HSPA12A: variants seen among roughly 807,000 people sequenced by gnomAD.
The protein encoded by HSPA12A is heat shock 70 kDa protein 12A.
Under a neutral mutation model 69.2 loss-of-function variants are expected in HSPA12A, and 28 were observed. That is an observed-to-expected ratio of 0.40 (90% CI 0.30 to 0.55). The LOEUF (loss-of-function observed/expected upper bound fraction) is 0.55, where lower values mean the gene tolerates loss of function less well. HSPA12A is among the 20% of genes least tolerant of loss of function. HSPA12A has a pLI of 0.38. For missense variants in HSPA12A, 686 were observed against 900.7 expected, an observed-to-expected ratio of 0.76 and a Z score of 3.05; for synonymous variants, 345 against 370.5, an observed-to-expected ratio of 0.93 and a Z score of 0.79.
chr10:116,831,571 A>G (rs1373211819), intron 2 of HSPA12A: 2 of 152,196 alleles, frequency 1.3e-5, no homozygotes, highest in African/African-American at 4.8e-5. Flanking sequence ...TCCTTTGAGA[A>G]GGGTTAGGTA....
At chr10:116,742,105 C>T (rs1471045419) in intron 1 of HSPA12A, among the ~76,000 whole-genome samples, 1 of 152,066 alleles carries the variant, frequency 6.6e-6, no homozygotes, top group African/African-American at 2.4e-5. Flanking sequence ...GGGCGGTCCT[C>T]ACCCGCACGC....
intron 1 of HSPA12A, among the ~76,000 whole-genome samples, chr10:116,841,883 A>C (rs1290645387): frequency 6.6e-6 from 1 of 152,154 alleles, no homozygotes; most frequent in Non-Finnish European, 1.5e-5. Flanking sequence ...GAAAAAGAGA[A>C]AACAACACCA....
At chr10:116,779,496 G>C (rs1844415724) in intron 2 of HSPA12A, among the ~76,000 whole-genome samples, 1 of 152,148 alleles carries the variant, frequency 6.6e-6, no homozygotes, top group African/African-American at 2.4e-5. Flanking sequence ...GACTCTGCCT[G>C]ATGAGACATG....
At chr10:116,809,625 C>T (rs1379452972) in intron 2 of HSPA12A, among the ~76,000 whole-genome samples, 8 of 152,246 alleles carry the variant, frequency 5.3e-5, no homozygotes, top group African/African-American at 1.7e-4. Flanking sequence ...TCAGCGACGC[C>T]GGGGACTGTC....
intron 3 of HSPA12A, 50 bp downstream of exon 3, chr10:116,705,101 G>A (rs1850200412): frequency 6.2e-7 from 1 of 1,607,918 alleles, no homozygotes; most frequent in South Asian, 1.1e-5. Context: ...AGTCTCCACA[G>A]GTGCAGTGGT....
intron 6 of HSPA12A, among the ~76,000 whole-genome samples, chr10:116,687,833 C>T (rs1230494207): frequency 6.6e-6 from 1 of 152,246 alleles, no homozygotes; most frequent in Admixed American, 6.5e-5. Context: ...CCTCCCTCCA[C>T]TGGGGCCCCT....
chr10:116,745,833 T>C (rs550004312), upstream of HSPA12A, among the ~76,000 whole-genome samples: 13 of 152,282 alleles, frequency 8.5e-5, no homozygotes, highest in East Asian at 7.7e-4. Context: ...TTAGCACTTA[T>C]CACAACAACT....
chr10:116,825,696 A>G (rs568464311), intron 2 of HSPA12A, among the ~76,000 whole-genome samples: 2 of 152,130 alleles, frequency 1.3e-5, no homozygotes, highest in African/African-American at 4.8e-5. Context: ...CAGGGCTGGG[A>G]TTGGTGGGGG....
intron 1 of HSPA12A, chr10:116,849,391 C>T: frequency 2.5e-6 from 2 of 808,022 alleles, no homozygotes; most frequent in Non-Finnish European, 3.5e-6. Context: ...GACAGAGCAG[C>T]GAGCGCAAAT....
intron 2 of HSPA12A, among the ~76,000 whole-genome samples, chr10:116,767,327 T>G (rs1844101107): frequency 6.6e-6 from 1 of 152,126 alleles, no homozygotes; most frequent in Admixed American, 6.6e-5. Context: ...TCAGGCACTG[T>G]GTTCATCCCC....
intron 2 of HSPA12A, among the ~76,000 whole-genome samples, chr10:116,776,321 C>T (rs1478171147): frequency 6.6e-6 from 1 of 152,206 alleles, no homozygotes; most frequent in Admixed American, 6.5e-5. Context: ...CTTCCTCCCG[C>T]TGGTCTCACC....
chr10:116,845,630 C>T (rs1397736103), intron 1 of HSPA12A, among the ~76,000 whole-genome samples: 2 of 152,106 alleles, frequency 1.3e-5, no homozygotes, highest in Admixed American at 6.5e-5. Context: ...TCCCTCCCAT[C>T]GTCAGCTCCC....
Position 116,715,489 on chromosome 10 carries a change from T to C in HSPA12A, c.41-8204A>G, listed in dbSNP as rs1471382635. Among the ~76,000 whole-genome samples, 3 of 152,182 alleles carry C rather than the reference T, an allele frequency of 2.0e-5. No homozygotes were observed. In the East Asian group the frequency reaches 5.8e-4, roughly 29 times the overall value. On this transcript the variant is annotated intron_variant, in intron 1 of 11. Transcript: ENST00000369209. ...GCCCTTGTCCTCTAGGGATACATTC[T>C]CAAATGTACAGACAAAACAATAGCA... is the stretch of plus-strand genomic sequence containing the variant.
chr10:116,727,752 G>GTTTTT (rs71859215), intron 1 of HSPA12A, among the ~76,000 whole-genome samples: 3,642 of 131,152 alleles, frequency 0.028, 87 homozygotes, highest in African/African-American at 0.069. Flanking sequence ...ATGTAAGTGG[G>GTTTTT]TTTTTTTTTT....
At chr10:116,758,666 G>A (rs1324382589) in intron 2 of HSPA12A, among the ~76,000 whole-genome samples, 1 of 152,164 alleles carries the variant, frequency 6.6e-6, no homozygotes, top group Non-Finnish European at 1.5e-5. Context: ...GCATTTTAGA[G>A]AGAGGGAAAG....
At chr10:116,695,285 G>A (rs1466202766) in intron 5 of HSPA12A, among the ~76,000 whole-genome samples, 1 of 152,146 alleles carries the variant, frequency 6.6e-6, no homozygotes, top group Non-Finnish European at 1.5e-5. Flanking sequence ...TCATGTGTTG[G>A]AAATGTACTC....
At chr10:116,821,503 C>G (rs935185353) in intron 2 of HSPA12A, among the ~76,000 whole-genome samples, 1 of 152,210 alleles carries the variant, frequency 6.6e-6, no homozygotes, top group Admixed American at 6.6e-5. Context: ...TATTCCCCAT[C>G]CAGCTTTATT....
intron 7 of HSPA12A, among the ~76,000 whole-genome samples, 195 bp from the exon 8 acceptor site, chr10:116,682,072 C>G (rs1849421781): frequency 6.6e-6 from 1 of 152,182 alleles, no homozygotes; most frequent in African/African-American, 2.4e-5. Context: ...CACCGGCCTT[C>G]CTCTATTCCT....
intron 6 of HSPA12A, among the ~76,000 whole-genome samples, chr10:116,685,528 G>A (rs943397353): frequency 6.6e-6 from 1 of 151,800 alleles, no homozygotes; most frequent in Non-Finnish European, 1.5e-5. Flanking sequence ...CCAGCTACTC[G>A]GGAGGCTGAG....
Sources: allele counts gnomAD v4.1 joint callset (sites outside exome capture counted in the v4.1 genomes callset), GRCh38; gene constraint gnomAD v4.1.1; transcripts MANE v1.5; gene names NCBI Gene and HGNC (gene_info 2026-07-23, HGNC 2026-07-21).